ANK3: variants seen among roughly 807,000 people sequenced by gnomAD.
ANK3 encodes the protein ankyrin-3.
Under a neutral mutation model 370.9 loss-of-function variants are expected in ANK3, and 57 were observed. That is an observed-to-expected ratio of 0.15 (90% CI 0.12 to 0.19). ANK3 has a LOEUF of 0.19. ANK3 is among the 10% of genes least tolerant of loss of function. The probability of loss-of-function intolerance (pLI) is 1.00; values close to 1 mark genes in which losing one functional copy is unlikely to be tolerated. For missense variants in ANK3, 4,439 were observed against 5,302.1 expected (o/e 0.84, Z 5.06); for synonymous variants, 1,929 against 1,946.3 (o/e 0.99, Z 0.23).
At chr10:60,336,568 T>TATCG (rs2052969693) in intron 1 of ANK3, among the ~76,000 whole-genome samples, 1 of 103,300 alleles carries the variant, frequency 9.7e-6, no homozygotes, top group Non-Finnish European at 1.8e-5. Context: ...TCTGGAGATC[T>TATCG]ATCTATCTAT....
Position 60,073,304 on chromosome 10 carries a change from C to T in ANK3, c.7577G>A (p.Gly2526Asp), listed in dbSNP as rs937038597. The T allele has an allele frequency of 6.2e-7, 1 of 1,614,068 alleles. No homozygotes were observed. The highest frequency in any genetic ancestry group is 1.1e-5 in the South Asian group (1 of 91,058). The change falls in exon 37 of 44, where the codon GGT becomes GAT. Residue 2526 changes from glycine (G) to aspartate (D), a missense_variant. Gly to Asp is a moderately conservative substitution (Grantham distance 94). Around this residue, in one of 13 missense-constraint regions of ANK3, gnomAD observed 1,601 missense variants for 1,731.7 expected, o/e 0.92. Transcript: ENST00000280772. ...SKIYKDVSEN[G>D]VGKVSKDEHF... ...CTCATCTTTAGACACTTTACCTACA[C>T]CATTTTCAGAAACATCTTTATAGAT...
intron 1 of ANK3, among the ~76,000 whole-genome samples, chr10:60,633,890 A>G (rs1162995436): frequency 6.6e-6 from 1 of 152,196 alleles, no homozygotes; most frequent in Non-Finnish European, 1.5e-5. Context: ...GTTTTTGCCT[A>G]AGAAATATTG....
chr10:60,031,990 G>T (rs930628772), intron 43 of ANK3, among the ~76,000 whole-genome samples: 1 of 151,968 alleles, frequency 6.6e-6, no homozygotes, highest in Non-Finnish European at 1.5e-5. Flanking sequence ...CAGAGGGTGG[G>T]CAAATCAGAA....
intron 18 of ANK3, among the ~76,000 whole-genome samples, chr10:60,175,547 G>T (rs2095908796): frequency 6.6e-6 from 1 of 152,234 alleles, no homozygotes; most frequent in African/African-American, 2.4e-5. Context: ...ATTACAAGCT[G>T]ATTAGGTTTT....
In ANK3 at chr10:60,082,155, C is replaced by G. The variant is rs2085437362; in HGVS notation, c.4345G>C (p.Asp1449His). Residue 1449 changes from aspartate to histidine, a missense_variant, in exon 35 of 44, where the codon GAT becomes CAT. Transcript: ENST00000280772. ...HKKETESDQD[D>H]EIEKTDRRQS... ...AGCAGAAGTGTTTATATTACCTCAT[C>G]ATCTTGATCTGACTCTGTCTCCTTT... The G allele has an allele frequency of 6.2e-7, 1 of 1,610,140 alleles. No homozygotes were observed. Among genetic ancestry groups the G allele is most frequent in the East Asian group, 2.2e-5 (1 of 44,764 alleles).
At chr10:60,167,729 G>A (rs1223708335) in intron 21 of ANK3, among the ~76,000 whole-genome samples, 1 of 150,834 alleles carries the variant, frequency 6.6e-6, no homozygotes, top group African/African-American at 2.4e-5. Context: ...GAAGATACAC[G>A]TTTAAATGAG....
chr10:60,060,306 T>C (rs2080134742), intron 40 of ANK3: 1 of 186,528 alleles, frequency 5.4e-6, no homozygotes, highest in Admixed American at 5.7e-5. Flanking sequence ...ATAAAGTTTA[T>C]ATATTTAAGT....
chr10:60,731,647 T>A (rs1399902563), intron 1 of ANK3, among the ~76,000 whole-genome samples: 1 of 152,228 alleles, frequency 6.6e-6, no homozygotes, highest in East Asian at 1.9e-4. Context: ...AACTTTACAT[T>A]CACTTTCATT....
At position 60,069,727 on chromosome 10, in the gene ANK3, C is replaced by T. The variant is rs767429955; in HGVS notation, c.11154G>A (p.Leu3718=). The T allele has an allele frequency of 3.7e-6, 6 of 1,613,600 alleles. No individual in the cohort carries two copies. The Admixed American group carries it at 6.7e-5, about 18-fold the overall frequency. Residue 3718 remains leucine, a synonymous_variant, in exon 37 of 44, where the codon TTG becomes TTA. Coordinates refer to ENST00000280772, the MANE Select transcript of ANK3 (RefSeq NM_020987.5). ...ATNTSKVDPK[L]RTPIKMGISA... is the part of the protein sequence containing the mutation. The stretch of plus-strand genomic sequence containing the variant: ...AAATTCCCATTTTTATAGGCGTGCG[C>T]AACTTGGGGTCAACTTTAGAGGTGT...
intron 1 of ANK3, among the ~76,000 whole-genome samples, chr10:60,732,263 T>TA (rs1268145433): frequency 6.6e-6 from 1 of 152,018 alleles, no homozygotes; most frequent in Non-Finnish European, 1.5e-5. Context: ...GTCTCCCCAA[T>TA]CCCCCTTCCC....
intron 1 of ANK3, among the ~76,000 whole-genome samples, chr10:60,302,920 T>C (rs2044150489): frequency 6.6e-6 from 1 of 151,644 alleles, no homozygotes; most frequent in Non-Finnish European, 1.5e-5. Flanking sequence ...GTCTAGTCAA[T>C]CGAACTTCGG....
At chr10:60,418,112 G>A (rs2063706156) in intron 2 of ANK3, among the ~76,000 whole-genome samples, 1 of 152,114 alleles carries the variant, frequency 6.6e-6, no homozygotes, top group Non-Finnish European at 1.5e-5. Flanking sequence ...CATCATTCCT[G>A]AGATGGACTA....
chr10:60,290,286 T>C (rs2041037849), intron 1 of ANK3, among the ~76,000 whole-genome samples: 1 of 152,196 alleles, frequency 6.6e-6, no homozygotes, highest in Non-Finnish European at 1.5e-5. Flanking sequence ...AGTATGTGTT[T>C]TGGGTGTGGA....
intron 8 of ANK3, among the ~76,000 whole-genome samples, chr10:60,228,531 CCA>C (rs2097197486): frequency 1.3e-5 from 1 of 76,468 alleles, no homozygotes; most frequent in South Asian, 4.4e-4. Context: ...GACTGTGTCT[CCA>C]AAAAAAAAAA....
intron 7 of ANK3, among the ~76,000 whole-genome samples, chr10:60,247,551 C>T (rs1383848829): frequency 6.6e-6 from 1 of 152,160 alleles, no homozygotes; most frequent in Non-Finnish European, 1.5e-5. Flanking sequence ...CAACCACCAT[C>T]CTACTTTTGT....
At chr10:60,139,340 G>A (rs536655002) in intron 23 of ANK3, 264 of 432,088 alleles carry the variant, frequency 6.1e-4, no homozygotes, top group African/African-American at 4.1e-3. Flanking sequence ...AACATTACCC[G>A]TATCCCTTTG....
At chr10:60,362,179 C>T (rs945643491) in intron 1 of ANK3, among the ~76,000 whole-genome samples, 7 of 152,106 alleles carry the variant, frequency 4.6e-5, no homozygotes, top group African/African-American at 1.4e-4. Context: ...TTTAACCTAA[C>T]TCCATAGTGA....
intron 25 of ANK3, among the ~76,000 whole-genome samples, chr10:60,127,853 A>T (rs1037829582): frequency 6.6e-6 from 1 of 151,548 alleles, no homozygotes; most frequent in African/African-American, 2.4e-5. Context: ...ACGTGCCACC[A>T]TGCCCGGCTA....
At chr10:60,037,585 C>A (rs764927808) in intron 43 of ANK3, among the ~76,000 whole-genome samples, 118 of 151,994 alleles carry the variant, frequency 7.8e-4, no homozygotes, top group Non-Finnish European at 1.5e-3. Flanking sequence ...GGATAATGGT[C>A]TCTATCTATG....
Sources: gnomAD v4.1 joint callset for allele counts (sites outside exome capture counted in the v4.1 genomes callset) on GRCh38, gnomAD v4.1.1 for gene constraint, gnomAD v4.1.1 regional missense constraint, MANE v1.5 for transcripts, NCBI Gene and HGNC (gene_info 2026-07-23, HGNC 2026-07-21) for gene names.